Variants in PAN3 observed in about 807,000 individuals in gnomAD.
PAN3 encodes the protein poly(A) specific ribonuclease subunit PAN3.
A neutral mutation model predicts 96.2 loss-of-function variants in PAN3; 19 were observed. The observed-to-expected ratio is 0.20, with a 90% CI of 0.14 to 0.29. The LOEUF is 0.29. Among genes scored for constraint, PAN3 ranks in the 10% least tolerant of loss-of-function variants. The pLI, the probability that PAN3 is intolerant of heterozygous loss-of-function variation, is 1.00. For missense variants in PAN3, 882 were observed against 1,108.1 expected, an observed-to-expected ratio of 0.80 and a Z score of 2.90; for synonymous variants, 433 against 406.6, an observed-to-expected ratio of 1.06 and a Z score of -0.78.
intron 1 of PAN3, among the ~76,000 whole-genome samples, chr13:28,155,968 T>C (rs1872104033): frequency 6.6e-6 from 1 of 152,124 alleles, no homozygotes; most frequent in Non-Finnish European, 1.5e-5. Context: ...TGTGGCCACG[T>C]TGTGAAGGCC....
intron 5 of PAN3, among the ~76,000 whole-genome samples, chr13:28,211,249 A>G (rs1879991836): frequency 6.6e-6 from 1 of 152,116 alleles, no homozygotes; most frequent in Admixed American, 6.5e-5. Flanking sequence ...AAGGCAAAAA[A>G]AATTCCTCCA....
At chr13:28,281,902 C>T (rs1287034920) in intron 17 of PAN3, among the ~76,000 whole-genome samples, 4 of 151,878 alleles carry the variant, frequency 2.6e-5, no homozygotes, top group Non-Finnish European at 5.9e-5. Flanking sequence ...TCCCAAGTAG[C>T]TGGGACTACA....
intron 1 of PAN3, among the ~76,000 whole-genome samples, chr13:28,153,663 C>T (rs769850241): frequency 1.3e-5 from 2 of 152,134 alleles, no homozygotes; most frequent in African/African-American, 2.4e-5. Flanking sequence ...ATTTTTTCCT[C>T]AAGTCTCTTA....
intron 1 of PAN3, among the ~76,000 whole-genome samples, chr13:28,165,319 C>T (rs539581128): frequency 5.3e-4 from 69 of 129,354 alleles, no homozygotes; most frequent in Non-Finnish European, 8.2e-4. Flanking sequence ...GGGGGTCTTG[C>T]TATGTTGCTC....
intron 6 of PAN3, among the ~76,000 whole-genome samples, chr13:28,225,643 G>A (rs1881916985): frequency 6.6e-6 from 1 of 152,118 alleles, no homozygotes. Flanking sequence ...CCAGCCCAGT[G>A]TACATTTTAA....
intron 18 of PAN3, among the ~76,000 whole-genome samples, chr13:28,290,941 G>T (rs991101607): frequency 8.2e-5 from 7 of 85,756 alleles, no homozygotes; most frequent in African/African-American, 3.3e-4. Context: ...ATCATTTAAT[G>T]AATATTAGGA....
intron 15 of PAN3, among the ~76,000 whole-genome samples, chr13:28,280,202 G>GA (rs1216834130): frequency 1.3e-5 from 2 of 152,200 alleles, no homozygotes; most frequent in Non-Finnish European, 2.9e-5. Context: ...ATGTAGAGAA[G>GA]AGACATGTTT....
intron 4 of PAN3, among the ~76,000 whole-genome samples, chr13:28,182,980 A>T (rs150417588): frequency 1.6e-3 from 250 of 152,290 alleles, no homozygotes; most frequent in African/African-American, 5.7e-3. Flanking sequence ...ATTCTAGGCA[A>T]GCAAATATGG....
In PAN3 at chr13:28,295,159, T is replaced by C. The variant is rs1057222315; in HGVS notation, c.*2637T>C. 2 of 152,210 alleles carry C rather than the reference T, an allele frequency of 1.3e-5. No homozygotes were observed. The highest frequency in any genetic ancestry group is 4.8e-5 in the African/African-American group (2 of 41,464). The allele number at this position is 152,210 out of a possible 1,614,324, so 9.4% of individuals were successfully genotyped here. ...ACTTCATTGTAAATATTTTTGAGGG[T>C]ACCTTTGTATTTTGCTTTTGACCTT... On this transcript the variant is annotated 3_prime_UTR_variant, in exon 19 of 19. Transcript: ENST00000380958.
chr13:28,272,484 C>T (rs995127837), intron 14 of PAN3, among the ~76,000 whole-genome samples: 15 of 151,676 alleles, frequency 9.9e-5, no homozygotes, highest in African/African-American at 3.6e-4. Flanking sequence ...CGATGTTGCC[C>T]AGGCTGTATT....
intron 1 of PAN3, among the ~76,000 whole-genome samples, chr13:28,144,739 T>TTC (rs1566132441): frequency 2.7e-5 from 4 of 148,086 alleles, no homozygotes; most frequent in African/African-American, 7.6e-5. Flanking sequence ...TTTTTTTTTT[T>TTC]CCTCAGAGCC....
chr13:28,268,457 C>T (rs1886361950), intron 12 of PAN3, among the ~76,000 whole-genome samples: 2 of 152,174 alleles, frequency 1.3e-5, no homozygotes, highest in East Asian at 3.9e-4. Context: ...ATATTTTCTT[C>T]TTTGTCCCTT....
chr13:28,251,720 G>C (rs1884737206), intron 6 of PAN3, among the ~76,000 whole-genome samples: 1 of 152,074 alleles, frequency 6.6e-6, no homozygotes, highest in Non-Finnish European at 1.5e-5. Flanking sequence ...TTCATTTTCT[G>C]TATTCTGTGG....
chr13:28,152,351 AG>A (rs1490242002), intron 1 of PAN3, among the ~76,000 whole-genome samples: 5 of 152,168 alleles, frequency 3.3e-5, no homozygotes, highest in East Asian at 1.9e-4. Flanking sequence ...TGGGAAGGTG[AG>A]GGGGGTGGAT....
intron 1 of PAN3, among the ~76,000 whole-genome samples, chr13:28,147,212 C>G (rs1870775268): frequency 6.6e-6 from 1 of 152,158 alleles, no homozygotes; most frequent in African/African-American, 2.4e-5. Flanking sequence ...GTCATTCGGT[C>G]TGTGTGAAAA....
intron 1 of PAN3, among the ~76,000 whole-genome samples, chr13:28,147,453 A>C (rs1037319972): frequency 6.6e-6 from 1 of 152,242 alleles, no homozygotes; most frequent in African/African-American, 2.4e-5. Context: ...TGTTAAGTTG[A>C]AAATGCGTTT....
intron 6 of PAN3, among the ~76,000 whole-genome samples, chr13:28,239,059 A>G (rs1290511697): frequency 1.3e-5 from 2 of 152,006 alleles, no homozygotes; most frequent in Non-Finnish European, 2.9e-5. Flanking sequence ...GTAACATTTC[A>G]CTAGTTCATT....
At chr13:28,223,418 T>A (rs1881615021) in intron 6 of PAN3, among the ~76,000 whole-genome samples, 1 of 152,206 alleles carries the variant, frequency 6.6e-6, no homozygotes, top group East Asian at 1.9e-4. Context: ...ACTAAAGATA[T>A]GGCACTTGGG....
chr13:28,192,405 G>T (rs549263719), intron 4 of PAN3, among the ~76,000 whole-genome samples: 1 of 152,254 alleles, frequency 6.6e-6, no homozygotes, highest in East Asian at 1.9e-4. Flanking sequence ...TTCATCTTTT[G>T]TTCTCAAACT....
Sources: allele counts gnomAD v4.1 joint callset (sites outside exome capture counted in the v4.1 genomes callset), GRCh38; gene constraint gnomAD v4.1.1; transcripts MANE v1.5; gene names NCBI Gene and HGNC (gene_info 2026-07-23, HGNC 2026-07-21).